SH3D19: variants seen among roughly 807,000 people sequenced by gnomAD.
SH3D19 encodes the protein SH3 domain-containing protein 19.
SH3D19 carries 58 observed loss-of-function variants against 112.1 expected under a neutral mutation model. The ratio of observed to expected loss-of-function variants is 0.52; its 90% CI spans 0.42 to 0.64. The LOEUF (loss-of-function observed/expected upper bound fraction) is 0.64, where lower values mean the gene tolerates loss of function less well. Ranked by LOEUF, SH3D19 falls within the 30% of genes least tolerant of loss-of-function variation. The pLI is 0.00. For missense variants in SH3D19, 1,090 were observed against 1,263.4 expected (o/e 0.86, Z 2.08); for synonymous variants, 391 against 448.5 (o/e 0.87, Z 1.62).
chr4:151,181,354 G>A (rs972261676), intron 3 of SH3D19, among the ~76,000 whole-genome samples: 1 of 152,150 alleles, frequency 6.6e-6, no homozygotes, highest in African/African-American at 2.4e-5. Context: ...TGGGAATGAA[G>A]TTTAGGCTGG....
chr4:151,272,409 T>C (rs2149998406), intron 1 of SH3D19, among the ~76,000 whole-genome samples: 1 of 152,300 alleles, frequency 6.6e-6, no homozygotes, highest in East Asian at 1.9e-4. Flanking sequence ...GATACATCAT[T>C]TTAGCTTAGA....
At chr4:151,306,296 GAAGAA>G (rs1251881803) in intron 1 of SH3D19, among the ~76,000 whole-genome samples, 7 of 152,116 alleles carry the variant, frequency 4.6e-5, no homozygotes, top group African/African-American at 1.7e-4. Context: ...AAAAATTAAA[GAAGAA>G]AAGACTACAG....
At position 151,325,271 on chromosome 4, in the gene SH3D19, C is replaced by A. The variant is rs190088115; in HGVS notation, c.82G>T (p.Gly28Cys). The change falls in exon 1 of 20, where the codon GGC (glycine) becomes TGC (cysteine). Residue 28 changes from glycine to cysteine, a missense_variant. By Grantham distance (159) the Gly-to-Cys change is radical (BLOSUM62 -3). Transcript: ENST00000604030. ...GCCGAGTGGCCCGAGAGCGCACGGC[C>A]CCGGGCGCGGCGCTGGCCACCAAGT... The part of the protein sequence containing the change: ...RELGGQRRAR[G>C]RALSGHSAAD... 2.5e-3 allele frequency: 3,074 copies of A among 1,221,996 alleles called. 7 individuals carry two copies. Among genetic ancestry groups the A allele is most frequent in the Non-Finnish European group, 2.9e-3 (2,842 of 981,622 alleles). 75.7% of individuals were successfully genotyped at this position (1,221,996 alleles called of 1,614,324 possible).
intron 2 of SH3D19, among the ~76,000 whole-genome samples, chr4:151,214,434 G>A (rs1467020988): frequency 1.3e-4 from 2 of 14,974 alleles, no homozygotes; most frequent in Admixed American, 1.3e-3. Context: ...CTCACCTCCC[G>A]GACGAGGCTG....
chr4:151,236,870 A>C (rs1770097845), intron 1 of SH3D19, among the ~76,000 whole-genome samples: 1 of 152,216 alleles, frequency 6.6e-6, no homozygotes, highest in Non-Finnish European at 1.5e-5. Context: ...AGCTGTCTGT[A>C]AAACGGACTA....
intron 1 of SH3D19, among the ~76,000 whole-genome samples, chr4:151,307,017 C>CTTTTT (rs750863632): frequency 3.3e-5 from 4 of 122,904 alleles, no homozygotes; most frequent in Middle Eastern, 4.7e-3. Context: ...ATGATGACTT[C>CTTTTT]TTTTTTTTTT....
intron 11 of SH3D19, among the ~76,000 whole-genome samples, chr4:151,144,937 C>T (rs1293838866): frequency 6.6e-6 from 1 of 152,136 alleles, no homozygotes; most frequent in Non-Finnish European, 1.5e-5. Context: ...AAAAGGCATA[C>T]CCAGGAAATG....
At chr4:151,214,469 C>T (rs1580198862) in intron 2 of SH3D19, among the ~76,000 whole-genome samples, 1 of 97,180 alleles carries the variant, frequency 1.0e-5, no homozygotes, top group Non-Finnish European at 2.5e-5. Flanking sequence ...GGCTGACCCC[C>T]CACCTCCCTC....
intron 9 of SH3D19, among the ~76,000 whole-genome samples, chr4:151,150,256 CATATATAT>C (rs10671151): frequency 8.9e-6 from 1 of 111,988 alleles, no homozygotes; most frequent in African/African-American, 3.4e-5. Context: ...TATATACACA[CATATATAT>C]ACATATATAT....
intron 2 of SH3D19, among the ~76,000 whole-genome samples, chr4:151,202,227 A>G (rs1427319092): frequency 8.6e-5 from 13 of 151,860 alleles, no homozygotes. Context: ...CCTAGCTACT[A>G]GGGAAGCTGA....
intron 1 of SH3D19, among the ~76,000 whole-genome samples, chr4:151,272,364 T>C (rs1773289334): frequency 6.6e-6 from 1 of 152,158 alleles, no homozygotes; most frequent in Non-Finnish European, 1.5e-5. Flanking sequence ...AGAATAGCAC[T>C]GTGGGCTGAA....
chr4:151,187,557 G>T (rs780504354), intron 2 of SH3D19, 94 bp from the exon 3 acceptor site: 5 of 648,204 alleles, frequency 7.7e-6, no homozygotes, highest in Non-Finnish European at 8.8e-6. Flanking sequence ...TCAATATGGT[G>T]CTAAGCCACA....
intron 9 of SH3D19, among the ~76,000 whole-genome samples, chr4:151,154,248 T>C (rs2149788344): frequency 6.6e-6 from 1 of 151,952 alleles, no homozygotes; most frequent in East Asian, 1.9e-4. Context: ...TTCTCCTGCC[T>C]CAGCCTCCCG....
intron 6 of SH3D19, 109 bp from the exon 7 acceptor site, chr4:151,175,783 A>G (rs1759844521): frequency 2.8e-6 from 3 of 1,054,768 alleles, no homozygotes; most frequent in Non-Finnish European, 3.6e-6. Context: ...TACATGGAAT[A>G]TCAAGAGATT....
chr4:151,150,236 C>T (rs1430908911), intron 9 of SH3D19, among the ~76,000 whole-genome samples: 1 of 45,914 alleles, frequency 2.2e-5, no homozygotes, highest in African/African-American at 3.9e-5. Context: ...TATACACACA[C>T]ACATATATAT....
intron 1 of SH3D19, chr4:151,291,019 G>C: frequency 1.2e-6 from 1 of 851,632 alleles, no homozygotes; most frequent in Non-Finnish European, 1.8e-6. Context: ...AGCTCCATGG[G>C]TCTCATGGCC....
At chr4:151,193,311 T>C (rs1762935039) in intron 2 of SH3D19, among the ~76,000 whole-genome samples, 1 of 152,244 alleles carries the variant, frequency 6.6e-6, no homozygotes, top group African/African-American at 2.4e-5. Flanking sequence ...GATGAGCATT[T>C]GGTGTTCACT....
intron 19 of SH3D19, among the ~76,000 whole-genome samples, chr4:151,124,440 C>T (rs986668480): frequency 6.7e-5 from 10 of 148,290 alleles, no homozygotes; most frequent in Admixed American, 3.4e-4. Context: ...TAGTTTTGGC[C>T]GGGTGCAGTG....
intron 1 of SH3D19, among the ~76,000 whole-genome samples, chr4:151,278,305 G>C (rs906150864): frequency 4.0e-5 from 6 of 151,748 alleles, no homozygotes; most frequent in African/African-American, 1.5e-4. Flanking sequence ...GTCTCACTCT[G>C]TCACCCAGGT....
Sources: gnomAD v4.1 joint callset for allele counts (sites outside exome capture counted in the v4.1 genomes callset) on GRCh38, gnomAD v4.1.1 for gene constraint, MANE v1.5 for transcripts, NCBI Gene and HGNC (gene_info 2026-07-23, HGNC 2026-07-21) for gene names.